The following GLCE variants were observed in gnomAD, a reference collection of about 807,000 sequenced individuals.
GLCE encodes glucuronic acid epimerase.
GLCE carries 19 observed loss-of-function variants against 47.9 expected under a neutral mutation model. That is an observed-to-expected ratio of 0.40 (90% CI 0.28 to 0.58). GLCE has a LOEUF of 0.58. Among genes scored for constraint, GLCE ranks in the 20% least tolerant of loss-of-function variants. The pLI is 0.48. For synonymous variants in GLCE, 245 were observed against 263.4 expected (o/e 0.93, Z 0.68); for missense variants, 556 against 743.3 (o/e 0.75, Z 2.93).
intron 1 of GLCE, among the ~76,000 whole-genome samples, chr15:69,173,591 C>T (rs2140331708): frequency 6.6e-6 from 1 of 150,980 alleles, no homozygotes; most frequent in Non-Finnish European, 1.5e-5. Flanking sequence ...AGGCTGGTGA[C>T]AATTTGAATG....
chr15:69,201,881 G>A (rs1348134137), intron 1 of GLCE, among the ~76,000 whole-genome samples: 1 of 151,762 alleles, frequency 6.6e-6, no homozygotes, highest in Non-Finnish European at 1.5e-5. Flanking sequence ...GCTAAAGGCA[G>A]CTCTGTTTTG....
chr15:69,236,664 G>A (rs2052597452), intron 2 of GLCE, among the ~76,000 whole-genome samples: 1 of 152,166 alleles, frequency 6.6e-6, no homozygotes. Flanking sequence ...ACATTCTTGA[G>A]TATATACACG....
At chr15:69,223,334 T>C (rs746674175) in intron 2 of GLCE, among the ~76,000 whole-genome samples, 33 of 152,226 alleles carry the variant, frequency 2.2e-4, no homozygotes, top group Non-Finnish European at 3.1e-4. Context: ...TATAGGATTC[T>C]TGTTTGACAG....
At chr15:69,185,040 C>T (rs777600909) in intron 1 of GLCE, among the ~76,000 whole-genome samples, 2 of 152,176 alleles carry the variant, frequency 1.3e-5, no homozygotes, top group African/African-American at 4.8e-5. Context: ...AGAGTTGTGG[C>T]GTGGATATTG....
rs939430862 is a variant in GLCE, at chr15:69,227,080, G to A, written c.-14+16674G>A. On this transcript the variant is annotated intron_variant, in intron 2 of 4. Coordinates refer to ENST00000261858, the MANE Select transcript of GLCE (RefSeq NM_015554.3). Reference sequence around the variant, plus strand: ...TTTCTAATTAGTATATTCTTGAGTCGGATGTTAGTAGGGAAAAATGTGTAT... The same window carrying A: ...TTTCTAATTAGTATATTCTTGAGTCAGATGTTAGTAGGGAAAAATGTGTAT... 2.4e-4 allele frequency among the ~76,000 whole-genome samples: 37 copies of A among 151,964 alleles called. 1 individual carries two copies. Among genetic ancestry groups the A allele is most frequent in the Non-Finnish European group, 2.8e-4 (19 of 67,988 alleles).
chr15:69,260,731 A>G (rs1296336236), intron 3 of GLCE: 1 of 204,856 alleles, frequency 4.9e-6, no homozygotes, highest in African/African-American at 2.3e-5. Context: ...GACATTAGCT[A>G]TACGCATCTA....
intron 2 of GLCE, among the ~76,000 whole-genome samples, chr15:69,216,142 AT>A (rs2052304322): frequency 6.6e-6 from 1 of 152,170 alleles, no homozygotes; most frequent in South Asian, 2.1e-4. Context: ...GTAGGAATCT[AT>A]CCAAAGATTA....
chr15:69,248,382 G>A (rs771446850), intron 2 of GLCE, among the ~76,000 whole-genome samples: 1 of 152,082 alleles, frequency 6.6e-6, no homozygotes, highest in Non-Finnish European at 1.5e-5. Flanking sequence ...ATCACAGTCC[G>A]TATTCTGTTA....
At chr15:69,183,603 AC>A (rs2051781107) in intron 1 of GLCE, among the ~76,000 whole-genome samples, 1 of 152,220 alleles carries the variant, frequency 6.6e-6, no homozygotes, top group South Asian at 2.1e-4. Context: ...ATTTCTGTAA[AC>A]CAATGAGAAT....
chr15:69,225,378 C>G (rs1366935761), intron 2 of GLCE, among the ~76,000 whole-genome samples: 2 of 152,116 alleles, frequency 1.3e-5, no homozygotes, highest in Admixed American at 1.3e-4. Context: ...TTCTGTACCA[C>G]AGAGTTCAGC....
At chr15:69,243,570 C>CAAAA (rs10656486) in intron 2 of GLCE, among the ~76,000 whole-genome samples, 3 of 139,796 alleles carry the variant, frequency 2.1e-5, no homozygotes, top group Non-Finnish European at 3.1e-5. Context: ...GCCCCCATCT[C>CAAAA]AAAAAAAAAA....
chr15:69,204,185 G>A (rs2052115491), intron 1 of GLCE, among the ~76,000 whole-genome samples: 1 of 151,260 alleles, frequency 6.6e-6, no homozygotes, highest in African/African-American at 2.4e-5. Flanking sequence ...CTGAAATACT[G>A]TGTTTTCCAG....
rs189281460 is a variant in GLCE, at chr15:69,178,333, C to T, written c.-105+17576C>T. 2.4e-4 allele frequency among the ~76,000 whole-genome samples: 37 copies of T among 152,100 alleles called. No homozygotes were observed. The East Asian group carries it at 6.6e-3, about 27-fold the overall frequency. ...AAGAAAATATTTTTGGAAAGCTGAA[C>T]AAAAAACTTAATATGTTGTTTAAAA... On this transcript the variant is annotated intron_variant, in intron 1 of 4. Transcript: ENST00000261858.
rs1296870712 is a variant in GLCE, at chr15:69,255,906, G to A, written c.100G>A (p.Asp34Asn). Residue 34 changes from aspartate to asparagine, a missense_variant, in exon 3 of 5, where the codon GAC (aspartate) becomes AAC (asparagine). This residue lies in a region of GLCE where 237 missense variants were observed against 310.9 expected (regional missense o/e 0.76). Coordinates refer to ENST00000261858, the MANE Select transcript of GLCE (RefSeq NM_015554.3). Reference sequence around the variant, plus strand: ...ACTTTTGTGGAATAAGTGTTCCAGTGACAAAGCAATCCAGTTTCCACGGCG... The same window carrying A: ...ACTTTTGTGGAATAAGTGTTCCAGTAACAAAGCAATCCAGTTTCCACGGCG... The part of the protein sequence containing the change: ...TVLLWNKCSS[D>N]KAIQFPRRSS... 3.7e-6 allele frequency: 6 copies of A among 1,613,898 alleles called. No homozygotes were observed. The Admixed American group carries it at 8.3e-5, about 22-fold the overall frequency.
chr15:69,161,853 C>G (rs187965985), intron 1 of GLCE, among the ~76,000 whole-genome samples: 1 of 152,152 alleles, frequency 6.6e-6, no homozygotes, highest in African/African-American at 2.4e-5. Context: ...GGCCGGTGTC[C>G]GCAGGTTGAG....
chr15:69,236,764 A>T (rs1228579558), intron 2 of GLCE, among the ~76,000 whole-genome samples: 1 of 152,240 alleles, frequency 6.6e-6, no homozygotes, highest in African/African-American at 2.4e-5. Flanking sequence ...CGTGATTCAG[A>T]GAAGTGAAAT....
chr15:69,186,823 G>A (rs1316742616), intron 1 of GLCE, among the ~76,000 whole-genome samples: 2 of 152,074 alleles, frequency 1.3e-5, no homozygotes, highest in African/African-American at 4.8e-5. Flanking sequence ...AGCTTACAAG[G>A]TATGACAGAT....
At chr15:69,263,651 T>C (rs2053044721) in intron 4 of GLCE, among the ~76,000 whole-genome samples, 1 of 152,168 alleles carries the variant, frequency 6.6e-6, no homozygotes, top group Non-Finnish European at 1.5e-5. Flanking sequence ...AAGCACTCTT[T>C]TCATTTGATT....
intron 1 of GLCE, among the ~76,000 whole-genome samples, chr15:69,198,141 G>A (rs1437603624): frequency 6.6e-6 from 1 of 151,704 alleles, no homozygotes; most frequent in Non-Finnish European, 1.5e-5. Flanking sequence ...CCTGCATGTG[G>A]CATTCAAACA....
Sources: gnomAD v4.1 joint callset for allele counts (sites outside exome capture counted in the v4.1 genomes callset) on GRCh38, gnomAD v4.1.1 for gene constraint, gnomAD v4.1.1 regional missense constraint, MANE v1.5 for transcripts, NCBI Gene and HGNC (gene_info 2026-07-23, HGNC 2026-07-21) for gene names.